Variants in TENM2 observed in about 807,000 individuals in gnomAD.
The protein encoded by TENM2 is teneurin transmembrane protein 2, also known as teneurin-2.
A neutral mutation model predicts 245.2 loss-of-function variants in TENM2; 52 were observed. The observed-to-expected ratio is 0.21, with a 90% CI of 0.17 to 0.27. The LOEUF (loss-of-function observed/expected upper bound fraction) is 0.27, where lower values mean the gene tolerates loss of function less well. TENM2 is among the 10% of genes least tolerant of loss of function. The pLI is 1.00. For missense variants in TENM2, 3,046 were observed against 3,666.8 expected (o/e 0.83, Z 4.37); for synonymous variants, 1,363 against 1,438.9 (o/e 0.95, Z 1.19).
the TENM2 span, among the ~76,000 whole-genome samples, chr5:167,278,598 G>C: frequency 6.6e-6 from 1 of 151,938 alleles, no homozygotes; most frequent in African/African-American, 2.4e-5. Flanking sequence ...ACATCTCTTT[G>C]TATAGCTTTT....
At chr5:167,513,352 A>G (rs1385281067) in intron 2 of TENM2, among the ~76,000 whole-genome samples, 1 of 152,176 alleles carries the variant, frequency 6.6e-6, no homozygotes, top group Admixed American at 6.5e-5. Context: ...CATTTTAATA[A>G]TAGAGTAAAA....
intron 1 of TENM2, among the ~76,000 whole-genome samples, chr5:167,307,113 A>G (rs1755726575): frequency 6.6e-6 from 1 of 152,196 alleles, no homozygotes; most frequent in Non-Finnish European, 1.5e-5. Context: ...CCGTGTGTTG[A>G]GATGGTCTGG....
At chr5:167,957,777 T>C (rs1050899705) in intron 4 of TENM2, among the ~76,000 whole-genome samples, 2 of 152,214 alleles carry the variant, frequency 1.3e-5, no homozygotes, top group African/African-American at 2.4e-5. Context: ...CATGTAGTTG[T>C]GCAGATTTGA....
intron 2 of TENM2, among the ~76,000 whole-genome samples, chr5:167,388,879 G>A (rs1236070077): frequency 3.3e-5 from 5 of 151,844 alleles, no homozygotes; most frequent in Non-Finnish European, 5.9e-5. Context: ...ATATAATTGT[G>A]TTGTGCTTTT....
intron 2 of TENM2, among the ~76,000 whole-genome samples, chr5:167,568,506 C>T (rs763625925): frequency 2.8e-4 from 42 of 152,012 alleles, no homozygotes; most frequent in Non-Finnish European, 4.4e-4. Context: ...AATAAAAACA[C>T]GCTGACTTCA....
At chr5:167,504,226 C>A (rs2127560577) in intron 2 of TENM2, among the ~76,000 whole-genome samples, 1 of 152,236 alleles carries the variant, frequency 6.6e-6, no homozygotes, top group East Asian at 1.9e-4. Flanking sequence ...TGGCATTATT[C>A]ATTATTTCTA....
At chr5:167,382,519 C>G (rs1362159358) in intron 2 of TENM2, among the ~76,000 whole-genome samples, 1 of 152,158 alleles carries the variant, frequency 6.6e-6, no homozygotes, top group Non-Finnish European at 1.5e-5. Flanking sequence ...AGGAGTGACT[C>G]TCACTCCCCA....
At chr5:168,095,884 TG>T (rs1409133959) in intron 8 of TENM2, among the ~76,000 whole-genome samples, 1 of 151,988 alleles carries the variant, frequency 6.6e-6, no homozygotes, top group East Asian at 1.9e-4. Flanking sequence ...ATATCCAGAG[TG>T]TCAGCACATG....
At chr5:167,372,832 G>A (rs1301817541) in intron 1 of TENM2, among the ~76,000 whole-genome samples, 1 of 152,186 alleles carries the variant, frequency 6.6e-6, no homozygotes, top group Non-Finnish European at 1.5e-5. Flanking sequence ...GTAATATTGT[G>A]TATACACACA....
chr5:166,999,698 C>T, the TENM2 span, among the ~76,000 whole-genome samples: 1 of 152,134 alleles, frequency 6.6e-6, no homozygotes, highest in Admixed American at 6.6e-5. Flanking sequence ...TGGTGAGCAG[C>T]ATTCATCAGA....
At position 167,373,361 on chromosome 5, in the gene TENM2, C is replaced by T. The variant is rs149117571; in HGVS notation, c.227-1837C>T. Among the ~76,000 whole-genome samples, 1,145 of 152,280 alleles carry T rather than the reference C, an allele frequency of 7.5e-3. 6 individuals are homozygous for T. Among genetic ancestry groups the T allele is most frequent in the Middle Eastern group, 0.017 (5 of 292 alleles). ...TAGGCTACCATAGAGTGTCAAGTTA[C>T]ATCAAGAGTTTAGAGACAGAATGAT... On this transcript the variant is annotated intron_variant, in intron 1 of 28. Transcript: ENST00000518659.
intron 1 of TENM2, among the ~76,000 whole-genome samples, chr5:167,352,985 A>G (rs1372830783): frequency 6.6e-6 from 1 of 152,204 alleles, no homozygotes; most frequent in Non-Finnish European, 1.5e-5. Context: ...ACCCCACTTC[A>G]GAAGGGAATA....
intron 2 of TENM2, among the ~76,000 whole-genome samples, chr5:167,474,265 A>C (rs144543299): frequency 5.1e-4 from 78 of 152,310 alleles, no homozygotes; most frequent in African/African-American, 1.8e-3. Flanking sequence ...ACACAAATTT[A>C]ATGAGATACT....
intron 5 of TENM2, among the ~76,000 whole-genome samples, chr5:168,015,811 G>T (rs1785603455): frequency 6.6e-6 from 1 of 152,208 alleles, no homozygotes. Context: ...CAGAATGATA[G>T]TAGCTAACAC....
At chr5:167,449,535 GATAGATAGA>G (rs1765441114) in intron 2 of TENM2, among the ~76,000 whole-genome samples, 1 of 150,866 alleles carries the variant, frequency 6.6e-6, no homozygotes. Flanking sequence ...TAGATAGATA[GATAGATAGA>G]TAGATAGATA....
Position 168,003,194 on chromosome 5 carries a change from C to A in TENM2, c.1186+10012C>A, listed in dbSNP as rs570269516. 3.1e-4 allele frequency among the ~76,000 whole-genome samples: 47 copies of A among 152,128 alleles called. No homozygotes were observed. The South Asian group carries it at 9.4e-3, about 30-fold the overall frequency. On this transcript the variant is annotated intron_variant, in intron 5 of 28. Transcript: ENST00000518659. ...TCCTGGATATGTACAAGGGTCTAACCAATGTACAATAAGAAATTGAGGACA... is the reference window on the plus strand; with the variant it reads ...TCCTGGATATGTACAAGGGTCTAACAAATGTACAATAAGAAATTGAGGACA...
chr5:167,166,503 G>A, the TENM2 span, among the ~76,000 whole-genome samples: 5 of 152,102 alleles, frequency 3.3e-5, no homozygotes, highest in African/African-American at 1.2e-4. Context: ...TTAAGTTTGT[G>A]AAAACGTTTT....
At chr5:167,861,531 T>C (rs1340651047) in intron 2 of TENM2, among the ~76,000 whole-genome samples, 1 of 152,226 alleles carries the variant, frequency 6.6e-6, no homozygotes, top group Non-Finnish European at 1.5e-5. Flanking sequence ...GTGCCCGTCC[T>C]AATGTCAGCC....
intron 2 of TENM2, chr5:167,755,337 C>T (rs966473995): frequency 1.2e-5 from 7 of 589,254 alleles, no homozygotes; most frequent in African/African-American, 3.7e-5. Flanking sequence ...GATTTCGCAC[C>T]GCAGTTGTCT....
Sources: gnomAD v4.1 joint callset for allele counts (sites outside exome capture counted in the v4.1 genomes callset) on GRCh38, gnomAD v4.1.1 for gene constraint, MANE v1.5 for transcripts, NCBI Gene and HGNC (gene_info 2026-07-23, HGNC 2026-07-21) for gene names.